The following LRR1 variants were observed in gnomAD, a reference collection of about 807,000 sequenced individuals.
The protein encoded by LRR1 is leucine-rich repeat protein 1.
LRR1 carries 29 observed loss-of-function variants against 31.6 expected under a neutral mutation model. The ratio of observed to expected loss-of-function variants is 0.92; its 90% CI spans 0.68 to 1.25. The LOEUF is 1.25. LRR1 is among the 50% of genes most tolerant of loss of function. The pLI, the probability that LRR1 is intolerant of heterozygous loss-of-function variation, is 0.00. For synonymous variants in LRR1, 179 were observed against 181.4 expected, an observed-to-expected ratio of 0.99 and a Z score of 0.10; for missense variants, 485 against 487.2, an observed-to-expected ratio of 1.00 and a Z score of 0.04.
chr14:49,607,090 A>G lies in LRR1; in HGVS notation c.283-310A>G, dbSNP rs113285346. ...CTGTTGCCCAGGCTGGAGGGCAGTG[A>G]TATCATGGCTTACTGCAGCCTCTAC... On this transcript the variant is annotated intron_variant, in intron 2 of 3. Transcript: ENST00000298288. Among the ~76,000 whole-genome samples the G allele has an allele frequency of 5.0e-3, 747 of 148,182 alleles. 8 individuals are homozygous for G. Among genetic ancestry groups the G allele is most frequent in the African/African-American group, 0.018 (714 of 39,936 alleles).
At chr14:49,608,372 C>G (rs1423716885) in intron 3 of LRR1, among the ~76,000 whole-genome samples, 1 of 102,628 alleles carries the variant, frequency 9.7e-6, no homozygotes, top group Non-Finnish European at 1.9e-5. Flanking sequence ...TCCATTCTAT[C>G]TAAATTTTAT....
chr14:49,607,255 G>T (rs745777821), intron 2 of LRR1, 145 bp from the exon 3 acceptor site: 3 of 838,028 alleles, frequency 3.6e-6, no homozygotes, highest in South Asian at 2.8e-5. Flanking sequence ...TCAAAATAAA[G>T]TACTAAAAAA....
chr14:49,611,014 A>T (rs1882490704), intron 3 of LRR1, among the ~76,000 whole-genome samples: 1 of 152,216 alleles, frequency 6.6e-6, no homozygotes, highest in Non-Finnish European at 1.5e-5. Context: ...AAGTTAAGGA[A>T]CTGGAAAACT....
At chr14:49,608,406 A>ATTTTTTTTTTTTTTCTTTTTTT (rs1882373288) in intron 3 of LRR1, among the ~76,000 whole-genome samples, 1 of 21,066 alleles carries the variant, frequency 4.7e-5, no homozygotes, top group East Asian at 4.7e-3. Flanking sequence ...ACATTGCTTG[A>ATTTTTTTTTTTTTTCTTTTTTT]TTTTTTTTTT....
chr14:49,600,982 C>A, intron 1 of LRR1: 1 of 1,598,300 alleles, frequency 6.3e-7, no homozygotes, highest in Non-Finnish European at 8.5e-7. Flanking sequence ...AGAATCTGCA[C>A]AAAGAAATAT....
intron 3 of LRR1, among the ~76,000 whole-genome samples, chr14:49,612,288 C>G (rs958345484): frequency 3.3e-5 from 5 of 152,096 alleles, no homozygotes; most frequent in Admixed American, 6.6e-5. Flanking sequence ...TTTAAGCTCC[C>G]TTGTTTTAAA....
chr14:49,600,642 TC>T, intron 1 of LRR1: 1 of 1,458,252 alleles, frequency 6.9e-7, no homozygotes, highest in South Asian at 1.4e-5. Context: ...AAGGAAACTG[TC>T]CATTTCTCTC....
rs139316170 is a variant in LRR1 at position 49,609,378 on chromosome 14, G to A, written c.1004+1257G>A. Among the ~76,000 whole-genome samples the A allele has an allele frequency of 6.3e-3, 948 of 150,940 alleles. 7 individuals carry two copies. Among genetic ancestry groups the A allele is most frequent in the Admixed American group, 0.013 (204 of 15,136 alleles). On this transcript the variant is annotated intron_variant, in intron 3 of 3. Coordinates refer to ENST00000298288, the MANE Select transcript of LRR1 (RefSeq NM_152329.4). The stretch of plus-strand genomic sequence containing the variant: ...GTAGCTGGGATTACAGGCGCCCACC[G>A]CCATGCCTGGCTCATTTTTGTATTT...
At chr14:49,601,081 T>C in intron 1 of LRR1, 2 of 1,611,492 alleles carry the variant, frequency 1.2e-6, no homozygotes, top group Non-Finnish European at 1.7e-6. Flanking sequence ...GCCAGCCACG[T>C]AGCCAAAGGT....
rs1566493069 is a variant in LRR1, at chr14:49,603,710, A to ATTTTTTTTTTTTTTT, written c.282+1243_282+1244insTTTTTTTTTTTTTTT. 15 of 132,724 alleles carry ATTTTTTTTTTTTTTT rather than the reference A, an allele frequency of 1.1e-4. 4 individuals carry two copies. Among genetic ancestry groups the ATTTTTTTTTTTTTTT allele is most frequent in the African/African-American group, 1.5e-4 (2 of 13,076 alleles). The allele number at this position is 132,724 out of a possible 1,614,324, so 8.2% of individuals were successfully genotyped here. ...TTTTTTTTTTTTTTTTTTTTTTTTA[A>ATTTTTTTTTTTTTTT]TGAGACAGAGTCTCTCCCTGTCACC... On this transcript the variant is annotated intron_variant, in intron 2 of 3. Coordinates refer to ENST00000298288, the MANE Select transcript of LRR1 (RefSeq NM_152329.4).
Position 49,607,626 on chromosome 14 carries a change from A to C in LRR1, c.509A>C (p.Asp170Ala). The change falls in exon 3 of 4, where the codon GAT becomes GCT. Residue 170 changes from aspartate (D) to alanine (A), a missense_variant. Transcript: ENST00000298288. The part of the protein sequence containing the change: ...QTSYCGLVRV[D>A]MRMLCLKSLR... ...TCTTACTGTGGGCTTGTCCGAGTTG[A>C]TATGCGTATGCTTTGCTTAAAAAGC... 3 of 1,614,206 alleles carry C rather than the reference A, an allele frequency of 1.9e-6. No homozygotes were observed. Among genetic ancestry groups the C allele is most frequent in the Non-Finnish European group, 2.5e-6 (3 of 1,180,042 alleles).
chr14:49,605,978 A>G (rs1285433939), intron 2 of LRR1, among the ~76,000 whole-genome samples: 5 of 150,872 alleles, frequency 3.3e-5, no homozygotes, highest in African/African-American at 7.3e-5. Flanking sequence ...TGTATTTCCA[A>G]TCTTTTGCTC....
In LRR1 at chr14:49,607,917, A is replaced by G; in HGVS notation, c.800A>G (p.Lys267Arg). 6.2e-7 allele frequency: 1 copy of G among 1,613,854 alleles called. No individual in the cohort carries two copies. Among genetic ancestry groups the G allele is most frequent in the Non-Finnish European group, 8.5e-7 (1 of 1,179,912 alleles). The change falls in exon 3 of 4, where the codon AAG becomes AGG. Residue 267 changes from lysine to arginine, a missense_variant. Physicochemically the swap from Lys to Arg is conservative, Grantham distance 26. This residue lies in a region of LRR1 where 210 missense variants were observed against 200.4 expected (regional missense o/e 1.05). Transcript: ENST00000298288. ...AATGAATTGATTCAATTTCCTTGCA[A>G]GATAGGACAACTAATAAACCTTCGC... ...DDNELIQFPC[K>R]IGQLINLRFL...
intron 2 of LRR1, among the ~76,000 whole-genome samples, chr14:49,604,145 A>C (rs181607824): frequency 0.013 from 1,968 of 151,666 alleles, 33 homozygotes; most frequent in African/African-American, 0.04. Context: ...TCCACAAAAA[A>C]AAAAAAAAAA....
At position 49,614,386 on chromosome 14, in the gene LRR1, G is replaced by A; in HGVS notation, c.1135G>A (p.Val379Ile). ...AACTACTACCATGAATCTGCATTCT[G>A]TTGCCCACACTGTGGTCTTAGTAGA... ...QGTTTMNLHS[V>I]AHTVVLVDNL... The change falls in exon 4 of 4, where the codon GTT becomes ATT. Residue 379 changes from valine (V) to isoleucine (I), a missense_variant. Around this residue, in one of 3 missense-constraint regions of LRR1, gnomAD observed 210 missense variants for 200.4 expected, o/e 1.05. Transcript: ENST00000298288. The A allele has an allele frequency of 6.2e-7, 1 of 1,613,998 alleles. No individual in the cohort carries two copies. The highest frequency in any genetic ancestry group is 1.1e-5 in the South Asian group (1 of 91,078).
In LRR1 at chr14:49,612,512, A is replaced by G. The variant is rs1381845285; in HGVS notation, c.1005-1744A>G. On this transcript the variant is annotated intron_variant, in intron 3 of 3. Transcript: ENST00000298288. ...AGAGATTAATGTAAACATGTGGGAG[A>G]CACTCCCTGGCAGAGTTTTTTAAAA... is the stretch of plus-strand genomic sequence containing the variant. The G allele has an allele frequency of 3.2e-6, 4 of 1,257,342 alleles. No individual in the cohort carries two copies. In the South Asian group the frequency reaches 5.3e-5, roughly 17 times the overall value. The allele number at this position is 1,257,342 out of a possible 1,614,324, so 77.9% of individuals were successfully genotyped here. A position where few individuals can be genotyped will look rare whatever the true frequency, so the allele number is the denominator to read the frequency against.
intron 3 of LRR1, chr14:49,612,335 T>C (rs1330259235): frequency 4.8e-6 from 2 of 414,630 alleles, no homozygotes; most frequent in Non-Finnish European, 6.7e-6. Context: ...CCAAAACCTA[T>C]TATCTAGCTG....
In LRR1 at chr14:49,599,220, G is replaced by C. The variant is rs1881938715; in HGVS notation, c.183+17G>C. The stretch of plus-strand genomic sequence containing the variant: ...CGCTATGAGGTGCGTGAAGTGGGCA[G>C]GCCCTGTCAGTCTCGCGTTCTTCTT... On this transcript the variant is annotated intron_variant, in intron 1 of 3. Transcript: ENST00000298288. 1 of 1,579,016 alleles carries C rather than the reference G, an allele frequency of 6.3e-7. No homozygotes were observed. Among genetic ancestry groups the C allele is most frequent in the South Asian group, 1.1e-5 (1 of 87,326 alleles).
intron 1 of LRR1, chr14:49,600,814 A>G: frequency 7.4e-6 from 6 of 811,874 alleles, no homozygotes; most frequent in South Asian, 2.0e-5. Context: ...TGAAGCCACA[A>G]TCTATTATAA....
Sources: allele counts gnomAD v4.1 joint callset (sites outside exome capture counted in the v4.1 genomes callset), GRCh38; gene constraint gnomAD v4.1.1; regional missense constraint gnomAD v4.1.1; transcripts MANE v1.5; gene names NCBI Gene and HGNC (gene_info 2026-07-23, HGNC 2026-07-21).